RNF214: variants seen among roughly 807,000 people sequenced by gnomAD.
The protein encoded by RNF214 is ring finger protein 214.
Under a neutral mutation model 75.9 loss-of-function variants are expected in RNF214, and 25 were observed. That is an observed-to-expected ratio of 0.33 (90% CI 0.24 to 0.46). RNF214 has a LOEUF of 0.46. RNF214 is among the 20% of genes least tolerant of loss of function. RNF214 has a pLI of 1.00. For missense variants in RNF214, 725 were observed against 857.5 expected, an observed-to-expected ratio of 0.85 and a Z score of 1.93; for synonymous variants, 314 against 308.8, an observed-to-expected ratio of 1.02 and a Z score of -0.18.
intron 2 of RNF214, among the ~76,000 whole-genome samples, chr11:117,235,857 T>C (rs1208921586): frequency 6.6e-6 from 1 of 152,228 alleles, no homozygotes; most frequent in Admixed American, 6.5e-5. Context: ...AGCATGTCCA[T>C]CATCACAAAC....
Position 117,253,710 on chromosome 11 carries a change from C to T in RNF214, c.959+6762C>T, listed in dbSNP as rs144580263. Among the ~76,000 whole-genome samples the T allele has an allele frequency of 1.6e-3, 248 of 152,184 alleles. 6 individuals carry two copies. In the East Asian group the frequency reaches 0.042, roughly 26 times the overall value. The stretch of plus-strand genomic sequence containing the variant: ...TAAATAAATAAATAAACGACAACAA[C>T]AACAAGACAACGGTGACTCATTGAG... On this transcript the variant is annotated intron_variant, in intron 6 of 14. Coordinates refer to ENST00000300650, the MANE Select transcript of RNF214 (RefSeq NM_207343.4).
intron 6 of RNF214, among the ~76,000 whole-genome samples, chr11:117,270,357 C>A (rs1241714462): frequency 6.8e-6 from 1 of 148,058 alleles, no homozygotes; most frequent in Non-Finnish European, 1.5e-5. Flanking sequence ...TCCTGGGCTG[C>A]GATGATCCTT....
In RNF214 at chr11:117,238,751, G is replaced by A. The variant is rs1464230242; in HGVS notation, c.258G>A (p.Gln86=). The A allele has an allele frequency of 6.2e-7, 1 of 1,614,160 alleles. No homozygotes were observed. Among genetic ancestry groups the A allele is most frequent in the Non-Finnish European group, 8.5e-7 (1 of 1,180,034 alleles). Residue 86 remains glutamine, a synonymous_variant, in exon 3 of 15, where the codon CAG becomes CAA. Transcript: ENST00000300650. ...CAGGTGACACCTCAGCAGCGCACCA[G>A]GTGGTTTTAGGAGAAAACTTGATAG... The part of the protein sequence containing the change: ...SSAGDTSAAH[Q]VVLGENLIAT...
At chr11:117,263,349 C>T (rs748295980) in intron 6 of RNF214, among the ~76,000 whole-genome samples, 14 of 151,308 alleles carry the variant, frequency 9.3e-5, no homozygotes, top group Admixed American at 4.6e-4. Context: ...AGTCTCGGCT[C>T]ACTGCAACCT....
chr11:117,246,037 C>A (rs189746470), intron 5 of RNF214, among the ~76,000 whole-genome samples: 56 of 152,178 alleles, frequency 3.7e-4, no homozygotes, highest in Middle Eastern at 6.8e-3. Context: ...ACAATCAAGG[C>A]TCACCGTATC....
chr11:117,250,703 G>A (rs1319628221), intron 6 of RNF214, among the ~76,000 whole-genome samples: 3 of 143,672 alleles, frequency 2.1e-5, no homozygotes, highest in Non-Finnish European at 4.6e-5. Flanking sequence ...TGGAGGGAAG[G>A]TCAGCAGATA....
At chr11:117,264,086 G>T (rs1342263463) in intron 6 of RNF214, 2 of 153,060 alleles carry the variant, frequency 1.3e-5, no homozygotes, top group African/African-American at 2.4e-5. Flanking sequence ...ACTTTGGGAG[G>T]CCGAGGCGGG....
chr11:117,247,815 G>A (rs1427375914), intron 6 of RNF214, among the ~76,000 whole-genome samples: 10 of 146,926 alleles, frequency 6.8e-5, no homozygotes, highest in African/African-American at 2.3e-4. Flanking sequence ...CTGAGATCGT[G>A]CCACTGGACT....
intron 6 of RNF214, among the ~76,000 whole-genome samples, chr11:117,279,634 G>A (rs1231458168): frequency 6.6e-6 from 1 of 152,158 alleles, no homozygotes; most frequent in Non-Finnish European, 1.5e-5. Flanking sequence ...ACCACGCCCG[G>A]TCACAACGTT....
At chr11:117,281,528 A>T in intron 9 of RNF214, 72 bp from the exon 10 acceptor site, 1 of 1,423,720 alleles carries the variant, frequency 7.0e-7, no homozygotes, top group South Asian at 1.2e-5. Context: ...TGTTTTCCTG[A>T]TAATGGATGG....
At chr11:117,254,130 TC>T (rs1448474475) in intron 6 of RNF214, among the ~76,000 whole-genome samples, 2 of 152,014 alleles carry the variant, frequency 1.3e-5, no homozygotes, top group African/African-American at 2.4e-5. Context: ...CCGCCTGTAG[TC>T]CCAACTACTT....
chr11:117,256,882 A>G (rs1354509837), intron 6 of RNF214, among the ~76,000 whole-genome samples: 1 of 152,220 alleles, frequency 6.6e-6, no homozygotes, highest in Non-Finnish European at 1.5e-5. Context: ...TCTGCTTAGT[A>G]TATAGTAATA....
intron 8 of RNF214, among the ~76,000 whole-genome samples, chr11:117,280,704 A>G (rs1056894557): frequency 6.6e-6 from 1 of 152,184 alleles, no homozygotes; most frequent in Non-Finnish European, 1.5e-5. Context: ...CTGTTAACCT[A>G]TAAAGCATAA....
chr11:117,282,498 C>T lies in RNF214; in HGVS notation c.1807C>T (p.Arg603Ter). ...GGAACTTATCCAGTTGGTTGCTGCA[C>T]GACTGGCAGAACATGAGCGGGTGGC... ...MEELIQLVAA[R>*]LAEHERVAAS... Residue 603 changes from arginine to a stop codon, truncating the protein, a stop_gained, in exon 12 of 15, where the codon CGA becomes TGA. Transcript: ENST00000300650. LOFTEE classifies it high-confidence loss of function. The T allele has an allele frequency of 1.2e-6, 2 of 1,614,100 alleles. No homozygotes were observed. The highest frequency in any genetic ancestry group is 2.2e-5 in the East Asian group (1 of 44,884).
At chr11:117,240,409 C>T (rs549758143) in intron 4 of RNF214, among the ~76,000 whole-genome samples, 7 of 149,936 alleles carry the variant, frequency 4.7e-5, no homozygotes, top group South Asian at 4.2e-4. Context: ...AAAAAAAGGC[C>T]GGGCACAGTG....
At chr11:117,251,657 C>G (rs2134377323) in intron 6 of RNF214, among the ~76,000 whole-genome samples, 2 of 152,126 alleles carry the variant, frequency 1.3e-5, no homozygotes, top group East Asian at 3.9e-4. Context: ...GAAGAATTAG[C>G]CAGGCAACAA....
intron 6 of RNF214, among the ~76,000 whole-genome samples, chr11:117,248,024 A>C (rs1312048342): frequency 6.6e-6 from 1 of 152,222 alleles, no homozygotes; most frequent in African/African-American, 2.4e-5. Context: ...TGGGTACTGC[A>C]GAAAAAGCAA....
chr11:117,273,931 A>G (rs1031521733), intron 6 of RNF214, among the ~76,000 whole-genome samples: 3 of 152,162 alleles, frequency 2.0e-5, no homozygotes, highest in African/African-American at 7.2e-5. Context: ...AGAATATCTT[A>G]AAGGGAAAAC....
rs749846888 is a variant in RNF214, at chr11:117,282,823, A to G, written c.1923A>G (p.Gln641=). 2.5e-6 allele frequency: 4 copies of G among 1,614,062 alleles called. No homozygotes were observed. The South Asian group carries it at 4.4e-5, about 18-fold the overall frequency. Reference sequence around the variant, plus strand: ...CCCCAATGTTCTTGCCTTCTGCCCAAGTTTCATATCCTGGAAGGTCTTCAC... The same window carrying G: ...CCCCAATGTTCTTGCCTTCTGCCCAGGTTTCATATCCTGGAAGGTCTTCAC... The part of the protein sequence containing the change: ...ISTPMFLPSA[Q]VSYPGRSSHA... The change falls in exon 13 of 15, where the codon CAA becomes CAG. Residue 641 remains glutamine, a synonymous_variant. Transcript: ENST00000300650.
Sources: allele counts gnomAD v4.1 joint callset (sites outside exome capture counted in the v4.1 genomes callset), GRCh38; gene constraint gnomAD v4.1.1; transcripts MANE v1.5; gene names NCBI Gene and HGNC (gene_info 2026-07-23, HGNC 2026-07-21).